Variants in DDR2 observed in about 807,000 individuals in gnomAD.
The protein encoded by DDR2 is discoidin domain receptor tyrosine kinase 2.
In DDR2, 27 loss-of-function variants were observed where a neutral mutation model predicts 94.9. The observed-to-expected ratio is 0.28, with a 90% CI of 0.21 to 0.39. The LOEUF is 0.39. DDR2 is among the 10% of genes least tolerant of loss of function. DDR2 has a pLI of 1.00. For synonymous variants in DDR2, 382 were observed against 377.2 expected, an observed-to-expected ratio of 1.01 and a Z score of -0.15; for missense variants, 783 against 1,076.0, an observed-to-expected ratio of 0.73 and a Z score of 3.81.
chr1:162,766,597 T>C (rs1435672434), intron 10 of DDR2, among the ~76,000 whole-genome samples: 2 of 152,138 alleles, frequency 1.3e-5, no homozygotes, highest in East Asian at 3.9e-4. Flanking sequence ...TCATGAGGTG[T>C]GATTAAGGGA....
intron 2 of DDR2, among the ~76,000 whole-genome samples, chr1:162,700,173 A>G (rs1043427338): frequency 2.0e-5 from 3 of 152,192 alleles, no homozygotes; most frequent in African/African-American, 7.2e-5. Context: ...CTTCTTTTCA[A>G]TATTGCAGGA....
rs774610810 is a variant in DDR2, at chr1:162,776,117, T to C, written c.2049-19T>C. The stretch of plus-strand genomic sequence containing the variant: ...CTGTTTCCATAGGCTACCTTCTGTC[T>C]TCTTGTCTATTTCCTCAGTTACACC... On this transcript the variant is annotated intron_variant, in intron 15 of 17. Transcript: ENST00000367921. The C allele has an allele frequency of 4.4e-6, 7 of 1,597,854 alleles. No individual in the cohort carries two copies. The highest frequency in any genetic ancestry group is 6.0e-6 in the Non-Finnish European group (7 of 1,166,090).
At position 162,782,831 on chromosome 1, in the gene DDR2, G is replaced by A. The variant is rs1306171065; in HGVS notation, c.*2585G>A. 6.6e-6 allele frequency: 1 copy of A among 152,014 alleles called. No individual in the cohort carries two copies. The highest frequency in any genetic ancestry group is 1.5e-5 in the Non-Finnish European group (1 of 68,014). 9.4% of individuals were successfully genotyped at this position (152,014 alleles called of 1,614,324 possible). On this transcript the variant is annotated 3_prime_UTR_variant, in exon 18 of 18. Coordinates refer to ENST00000367921, the MANE Select transcript of DDR2 (RefSeq NM_006182.4). ...TCACAGAAGTAATATGTTTCAGATG[G>A]CTGCCCAATATGTATTATCATGTAA...
In DDR2 at chr1:162,743,751, G is replaced by A. The variant is rs191020940; in HGVS notation, c.83-9344G>A. Among the ~76,000 whole-genome samples the A allele has an allele frequency of 9.6e-3, 1,465 of 152,290 alleles. 17 individuals are homozygous for A. Among genetic ancestry groups the A allele is most frequent in the South Asian group, 0.018 (89 of 4,822 alleles). On this transcript the variant is annotated intron_variant, in intron 3 of 17. Coordinates refer to ENST00000367921, the MANE Select transcript of DDR2 (RefSeq NM_006182.4). ...ACAATAGACTGCACACATTAAAAAT[G>A]CACAAGTTGGCCAGTTTTGACTTAC...
chr1:162,728,476 G>C (rs1215488986), intron 3 of DDR2, among the ~76,000 whole-genome samples: 1 of 151,940 alleles, frequency 6.6e-6, no homozygotes, highest in Non-Finnish European at 1.5e-5. Flanking sequence ...GGTCATGAAG[G>C]CAAAGGTGGG....
In DDR2 at chr1:162,705,938, G is replaced by T. The variant is rs143822816; in HGVS notation, c.-27-13099G>T. Among the ~76,000 whole-genome samples the T allele has an allele frequency of 7.1e-3, 1,079 of 152,256 alleles. 12 individuals are homozygous for T. The highest frequency in any genetic ancestry group is 0.025 in the African/African-American group (1,029 of 41,544). On this transcript the variant is annotated intron_variant, in intron 2 of 17. Transcript: ENST00000367921. ...GCCCTGAGACATGCAAAATATTCTTGCCCTTCAGGGACTTACAGTCTTGAG... is the reference window on the plus strand; with the variant it reads ...GCCCTGAGACATGCAAAATATTCTTTCCCTTCAGGGACTTACAGTCTTGAG...
At chr1:162,666,983 T>C (rs2101930006) in intron 2 of DDR2, among the ~76,000 whole-genome samples, 1 of 151,190 alleles carries the variant, frequency 6.6e-6, no homozygotes, top group South Asian at 2.1e-4. Context: ...TCCATGCAAC[T>C]TTGGATGGAG....
At chr1:162,660,989 C>T (rs1421470042) in intron 2 of DDR2, among the ~76,000 whole-genome samples, 1 of 152,210 alleles carries the variant, frequency 6.6e-6, no homozygotes, top group Non-Finnish European at 1.5e-5. Context: ...TAAATATTTC[C>T]TTAAAGAATC....
chr1:162,767,941 A>C (rs1664082565), intron 11 of DDR2, among the ~76,000 whole-genome samples: 1 of 152,170 alleles, frequency 6.6e-6, no homozygotes, highest in Non-Finnish European at 1.5e-5. Context: ...GTCCCTCTTC[A>C]GACTCTGTCT....
chr1:162,696,334 T>G (rs1660189818), intron 2 of DDR2, among the ~76,000 whole-genome samples: 2 of 151,922 alleles, frequency 1.3e-5, no homozygotes, highest in Non-Finnish European at 2.9e-5. Context: ...AGCCTCCCCT[T>G]TCTGAGGGAA....
At position 162,764,400 on chromosome 1, in the gene DDR2, A is replaced by G. The variant is rs12070356; in HGVS notation, c.1100-1601A>G. ...AAAGATACAGAATGCTTTAAAAAAA[A>G]AAAAAAAAAAAGAAATGTCCAAAGC... is the stretch of plus-strand genomic sequence containing the variant. On this transcript the variant is annotated intron_variant, in intron 9 of 17. Coordinates refer to ENST00000367921, the MANE Select transcript of DDR2 (RefSeq NM_006182.4). 9.1e-3 allele frequency among the ~76,000 whole-genome samples: 979 copies of G among 107,468 alleles called. 19 individuals carry two copies. Among genetic ancestry groups the G allele is most frequent in the African/African-American group, 0.037 (946 of 25,578 alleles). 70.5% of individuals were successfully genotyped at this position (107,468 alleles called of 152,430 possible).
intron 9 of DDR2, 92 bp downstream of exon 9, chr1:162,761,546 A>T: frequency 8.8e-6 from 14 of 1,597,780 alleles, no homozygotes; most frequent in Non-Finnish European, 1.2e-5. Flanking sequence ...GGTCTCTGAG[A>T]GGAGTGGGAT....
At chr1:162,709,705 G>A (rs1660812721) in intron 2 of DDR2, among the ~76,000 whole-genome samples, 1 of 152,214 alleles carries the variant, frequency 6.6e-6, no homozygotes, top group Admixed American at 6.5e-5. Context: ...GGGACAGAAG[G>A]TACGGTGGGA....
In DDR2 at chr1:162,637,873, A is replaced by G. The variant is rs117948002; in HGVS notation, c.-192+5242A>G. 1.9e-3 allele frequency among the ~76,000 whole-genome samples: 295 copies of G among 152,360 alleles called. 6 individuals are homozygous for G. In the East Asian group the frequency reaches 0.043, roughly 22 times the overall value. On this transcript the variant is annotated intron_variant, in intron 1 of 17. Coordinates refer to ENST00000367921, the MANE Select transcript of DDR2 (RefSeq NM_006182.4). ...GGAACTTAGGAAACAACAGACACAC[A>G]TAGCAGTGACTGGAGAAAATTTCAG...
intron 2 of DDR2, among the ~76,000 whole-genome samples, chr1:162,659,432 G>C (rs891049045): frequency 6.6e-6 from 1 of 152,130 alleles, no homozygotes; most frequent in Non-Finnish European, 1.5e-5. Context: ...GTGATCTGGC[G>C]AACACAGACT....
upstream of DDR2, among the ~76,000 whole-genome samples, chr1:162,631,182 TTGTG>T (rs58010976): frequency 0.024 from 3,315 of 140,136 alleles, 77 homozygotes; most frequent in African/African-American, 0.064. Context: ...GCCACCCTCA[TTGTG>T]TGTGTGTGTG....
At chr1:162,659,977 T>C (rs190640342) in intron 2 of DDR2, among the ~76,000 whole-genome samples, 2 of 138,078 alleles carry the variant, frequency 1.4e-5, no homozygotes, top group African/African-American at 5.3e-5. Flanking sequence ...CTACATATTT[T>C]AGCCCCAAAT....
intron 3 of DDR2, among the ~76,000 whole-genome samples, chr1:162,749,463 T>A (rs961135753): frequency 1.3e-5 from 2 of 152,146 alleles, no homozygotes; most frequent in Non-Finnish European, 2.9e-5. Flanking sequence ...CAGGAAGAAG[T>A]CGAATCCCTG....
Position 162,714,784 on chromosome 1 carries a change from C to T in DDR2, c.-27-4253C>T, listed in dbSNP as rs184225443. On this transcript the variant is annotated intron_variant, in intron 2 of 17. Transcript: ENST00000367921. Reference sequence around the variant, plus strand: ...GCAGGAACCTTCTTTGCCTTTTTTACTGATGTGCTTATCACCTGTAATAGC... The same window carrying T: ...GCAGGAACCTTCTTTGCCTTTTTTATTGATGTGCTTATCACCTGTAATAGC... 3.9e-4 allele frequency among the ~76,000 whole-genome samples: 60 copies of T among 152,278 alleles called. No homozygotes were observed. In the East Asian group the frequency reaches 8.9e-3, roughly 23 times the overall value.
Sources: gnomAD v4.1 joint callset for allele counts (sites outside exome capture counted in the v4.1 genomes callset) on GRCh38, gnomAD v4.1.1 for gene constraint, MANE v1.5 for transcripts, NCBI Gene and HGNC (gene_info 2026-07-23, HGNC 2026-07-21) for gene names.